The following SMG6 variants were observed in gnomAD, a reference collection of about 807,000 sequenced individuals.
The protein encoded by SMG6 is telomerase-binding protein EST1A.
In SMG6, 66 loss-of-function variants were observed where a neutral mutation model predicts 142.2. The ratio of observed to expected loss-of-function variants is 0.46; its 90% CI spans 0.38 to 0.57. SMG6 has a LOEUF of 0.57. SMG6 is among the 20% of genes least tolerant of loss of function. The pLI is 0.00. For missense variants in SMG6, 1,793 were observed against 1,832.0 expected (o/e 0.98, Z 0.39); for synonymous variants, 779 against 702.4 (o/e 1.11, Z -1.72).
In SMG6 at chr17:2,113,632, G is replaced by C. The variant is rs1227822304; in HGVS notation, c.3358-27731C>G. 2.0e-5 allele frequency among the ~76,000 whole-genome samples: 3 copies of C among 152,186 alleles called. No individual in the cohort carries two copies. In the East Asian group the frequency reaches 5.8e-4, roughly 29 times the overall value. The stretch of plus-strand genomic sequence containing the variant: ...CTTATCAAATGAAAGCAAACAGCTA[G>C]ATCATCTAAAACCCATGGCCTCAAA... On this transcript the variant is annotated intron_variant, in intron 13 of 18. Transcript: ENST00000263073.
chr17:2,172,613 T>TA (rs753589385), intron 13 of SMG6, 45 bp downstream of exon 13: 7 of 1,594,532 alleles, frequency 4.4e-6, no homozygotes, highest in Non-Finnish European at 5.2e-6. Flanking sequence ...TCTGGAGAAT[T>TA]AAGAGGAGGG....
intron 10 of SMG6, among the ~76,000 whole-genome samples, chr17:2,200,229 CTT>C (rs2072474673): frequency 1.3e-5 from 2 of 151,834 alleles, no homozygotes; most frequent in Non-Finnish European, 2.9e-5. Flanking sequence ...ACAAAAAAAA[CTT>C]TTTGTTTTTT....
intron 6 of SMG6, among the ~76,000 whole-genome samples, chr17:2,291,383 T>G (rs2075034235): frequency 6.7e-6 from 1 of 150,318 alleles, no homozygotes; most frequent in African/African-American, 2.4e-5. Context: ...TGATGGTTAA[T>G]TGTACTTTCT....
intron 13 of SMG6, among the ~76,000 whole-genome samples, chr17:2,092,956 G>A (rs1254337386): frequency 2.0e-5 from 3 of 152,160 alleles, no homozygotes; most frequent in Non-Finnish European, 4.4e-5. Flanking sequence ...AGCACTTGGG[G>A]AGGCTGAGGC....
In SMG6 at chr17:2,188,382, G is replaced by A. The variant is rs374251011; in HGVS notation, c.2986+17C>T. On this transcript the variant is annotated intron_variant, in intron 11 of 18. Transcript: ENST00000263073. ...GCAACTGGAAAGCCCACCAGGCTGG[G>A]GACTCCTCCTGCTTACCTTTGGCGG... 490 of 1,610,040 alleles carry A rather than the reference G, an allele frequency of 3.0e-4. 1 individual carries two copies. The highest frequency in any genetic ancestry group is 3.7e-4 in the Non-Finnish European group (432 of 1,176,756).
At chr17:2,201,477 T>A (rs1224502615) in intron 10 of SMG6, among the ~76,000 whole-genome samples, 1 of 152,140 alleles carries the variant, frequency 6.6e-6, no homozygotes, top group Non-Finnish European at 1.5e-5. Context: ...GTGGATGGCT[T>A]GCGGTCAGGA....
intron 6 of SMG6, among the ~76,000 whole-genome samples, chr17:2,287,081 G>C (rs2074924157): frequency 6.6e-6 from 1 of 152,044 alleles, no homozygotes; most frequent in Non-Finnish European, 1.5e-5. Flanking sequence ...ACAGGCGCCT[G>C]CCACTGCGCC....
At chr17:2,127,582 T>C (rs2069941152) in intron 13 of SMG6, 1 of 587,318 alleles carries the variant, frequency 1.7e-6, no homozygotes, top group Admixed American at 1.9e-5. Flanking sequence ...GACGGCCCAA[T>C]CTTGCTGGGC....
intron 16 of SMG6, among the ~76,000 whole-genome samples, chr17:2,066,306 A>ATG (rs199712868): frequency 2.6e-5 from 4 of 150,988 alleles, no homozygotes; most frequent in African/African-American, 7.3e-5. Context: ...GCGTGTGTAC[A>ATG]TGTATGTGTG....
intron 12 of SMG6, among the ~76,000 whole-genome samples, chr17:2,178,996 C>G (rs1230588294): frequency 6.6e-6 from 1 of 152,224 alleles, no homozygotes; most frequent in Non-Finnish European, 1.5e-5. Context: ...TGGGGTCAGA[C>G]TGGAGCCTTA....
In SMG6 at chr17:2,115,208, G is replaced by C. The variant is rs140744752; in HGVS notation, c.3358-29307C>G. Among the ~76,000 whole-genome samples, 39 of 152,016 alleles carry C rather than the reference G, an allele frequency of 2.6e-4. 1 individual carries two copies. The East Asian group carries it at 7.3e-3, about 29-fold the overall frequency. On this transcript the variant is annotated intron_variant, in intron 13 of 18. Coordinates refer to ENST00000263073, the MANE Select transcript of SMG6 (RefSeq NM_017575.5). Reference sequence around the variant, plus strand: ...AACCTAGTCTACTCTAGCAAACAGAGTGTTTAACACTGGCAGTATAAATCA... The same window carrying C: ...AACCTAGTCTACTCTAGCAAACAGACTGTTTAACACTGGCAGTATAAATCA...
chr17:2,131,758 G>A (rs1465789804), intron 13 of SMG6, among the ~76,000 whole-genome samples: 1 of 152,130 alleles, frequency 6.6e-6, no homozygotes, highest in Non-Finnish European at 1.5e-5. Context: ...ATTCAGACTT[G>A]CAAATCAATA....
intron 13 of SMG6, among the ~76,000 whole-genome samples, chr17:2,159,349 T>C (rs2151620679): frequency 6.6e-6 from 1 of 152,178 alleles, no homozygotes; most frequent in South Asian, 2.1e-4. Flanking sequence ...AGAATTGCTT[T>C]AACCCAGGAG....
intron 15 of SMG6, among the ~76,000 whole-genome samples, chr17:2,076,819 T>A (rs1762714757): frequency 6.6e-6 from 1 of 152,086 alleles, no homozygotes; most frequent in Middle Eastern, 3.2e-3. Flanking sequence ...GGCCTGTTCT[T>A]AAAGGGGCCA....
At chr17:2,129,997 C>T (rs567654279) in intron 13 of SMG6, among the ~76,000 whole-genome samples, 192 of 151,730 alleles carry the variant, frequency 1.3e-3, no homozygotes, top group African/African-American at 4.3e-3. Flanking sequence ...AGGTGGCTCA[C>T]ATCTGTAATC....
intron 6 of SMG6, among the ~76,000 whole-genome samples, chr17:2,290,738 G>A (rs1376440911): frequency 1.3e-5 from 2 of 152,084 alleles, no homozygotes; most frequent in Non-Finnish European, 2.9e-5. Context: ...AATATATAAA[G>A]AACTCTTAAA....
intron 13 of SMG6, among the ~76,000 whole-genome samples, chr17:2,156,853 A>G (rs2071023467): frequency 6.6e-6 from 1 of 152,116 alleles, no homozygotes; most frequent in African/African-American, 2.4e-5. Context: ...AGGTCTCACT[A>G]TGTTGCCCAG....
chr17:2,260,548 C>G (rs1369723710), intron 8 of SMG6, among the ~76,000 whole-genome samples: 3 of 152,232 alleles, frequency 2.0e-5, no homozygotes, highest in Non-Finnish European at 4.4e-5. Context: ...CTTCCAAATT[C>G]TCTCTTCGTC....
intron 8 of SMG6, among the ~76,000 whole-genome samples, chr17:2,250,906 G>A (rs1043011212): frequency 2.0e-5 from 3 of 152,056 alleles, no homozygotes; most frequent in South Asian, 2.1e-4. Flanking sequence ...TTGTTCACAC[G>A]TCATCCTCAT....
Sources: allele counts gnomAD v4.1 joint callset (sites outside exome capture counted in the v4.1 genomes callset), GRCh38; gene constraint gnomAD v4.1.1; transcripts MANE v1.5; gene names NCBI Gene and HGNC (gene_info 2026-07-23, HGNC 2026-07-21).